The following CEP112 variants were observed in gnomAD, a reference collection of about 807,000 sequenced individuals.
CEP112 encodes the protein centrosomal protein 112.
Under a neutral mutation model 153.0 loss-of-function variants are expected in CEP112, and 127 were observed. The observed-to-expected ratio is 0.83, with a 90% CI of 0.72 to 0.96. The LOEUF is 0.96. Ranked by LOEUF, CEP112 falls within the 40% of genes least tolerant of loss-of-function variation. The pLI is 0.00. For missense variants in CEP112, 1,089 were observed against 1,101.2 expected, an observed-to-expected ratio of 0.99 and a Z score of 0.16; for synonymous variants, 358 against 374.4, an observed-to-expected ratio of 0.96 and a Z score of 0.51.
intron 11 of CEP112, among the ~76,000 whole-genome samples, chr17:66,054,930 A>C (rs558851029): frequency 5.3e-5 from 8 of 151,986 alleles, no homozygotes; most frequent in African/African-American, 1.9e-4. Context: ...CTAATTTTTT[A>C]TATTTTTAGT....
At chr17:66,022,535 G>A (rs548250685) in intron 16 of CEP112, among the ~76,000 whole-genome samples, 6 of 151,730 alleles carry the variant, frequency 4.0e-5, no homozygotes, top group East Asian at 3.9e-4. Context: ...GGTGAAACCC[G>A]TCTCTACTAA....
intron 21 of CEP112, among the ~76,000 whole-genome samples, chr17:65,835,193 TAAAA>T (rs35890393): frequency 7.6e-6 from 1 of 130,858 alleles, no homozygotes; most frequent in Non-Finnish European, 1.6e-5. Context: ...AAAATAAAAG[TAAAA>T]AAAAAAAAAA....
At chr17:65,955,131 A>T (rs896898295) in intron 18 of CEP112, among the ~76,000 whole-genome samples, 1 of 152,208 alleles carries the variant, frequency 6.6e-6, no homozygotes, top group Non-Finnish European at 1.5e-5. Flanking sequence ...CAGGTAGCCT[A>T]GAAAGGTAAA....
intron 18 of CEP112, among the ~76,000 whole-genome samples, chr17:65,946,765 G>A (rs1303568308): frequency 2.0e-5 from 3 of 151,900 alleles, no homozygotes; most frequent in African/African-American, 7.3e-5. Context: ...TAATTATGGT[G>A]ATTCTATAGA....
At chr17:66,074,995 G>A (rs1414516085) in intron 8 of CEP112, among the ~76,000 whole-genome samples, 1 of 151,560 alleles carries the variant, frequency 6.6e-6, no homozygotes, top group Non-Finnish European at 1.5e-5. Flanking sequence ...TAACATCTTA[G>A]AAGTGCTAAA....
rs546184132 is a variant in CEP112, at chr17:65,807,978, C to A, written c.2394+43826G>T. ...GAATGCTAGTTCCACTGACAACTTT[C>A]ACCTTGCATCTGAAAAAGCTGCAGC... On this transcript the variant is annotated intron_variant, in intron 21 of 26. Transcript: ENST00000535342. Among the ~76,000 whole-genome samples the A allele has an allele frequency of 2.0e-5, 3 of 152,368 alleles. No individual in the cohort carries two copies. The East Asian group carries it at 5.8e-4, about 29-fold the overall frequency.
intron 20 of CEP112, among the ~76,000 whole-genome samples, chr17:65,867,543 A>G (rs35337556): frequency 0.4 from 61,074 of 152,046 alleles, 12,845 homozygotes; most frequent in East Asian, 0.78. Flanking sequence ...GTAAAGTCAC[A>G]TAAATGTATA....
chr17:66,073,214 T>G (rs1403251872), intron 8 of CEP112, among the ~76,000 whole-genome samples: 1 of 152,144 alleles, frequency 6.6e-6, no homozygotes. Flanking sequence ...ATATATGAGA[T>G]AACCATTCTC....
chr17:66,132,116 C>T (rs1056082887), intron 5 of CEP112, among the ~76,000 whole-genome samples: 1 of 125,730 alleles, frequency 8.0e-6, no homozygotes, highest in Non-Finnish European at 1.6e-5. Context: ...TTGCAGTGAG[C>T]CAAGATTGCA....
At chr17:65,864,829 G>A (rs928147656) in intron 20 of CEP112, among the ~76,000 whole-genome samples, 11 of 150,182 alleles carry the variant, frequency 7.3e-5, no homozygotes, top group African/African-American at 2.8e-4. Flanking sequence ...TTTCTCTACT[G>A]GTCACATCAT....
intron 20 of CEP112, among the ~76,000 whole-genome samples, chr17:65,866,901 C>A (rs1466675337): frequency 6.6e-6 from 1 of 152,144 alleles, no homozygotes; most frequent in East Asian, 1.9e-4. Flanking sequence ...GTCTGCATAC[C>A]TCATTCTTCC....
At chr17:65,683,497 A>G (rs1598302906) in intron 24 of CEP112, among the ~76,000 whole-genome samples, 5 of 152,200 alleles carry the variant, frequency 3.3e-5, no homozygotes, top group Non-Finnish European at 7.3e-5. Context: ...GGAGCCTTCA[A>G]GAGAAGGCTG....
At chr17:65,950,720 GTA>G (rs2061800806) in intron 18 of CEP112, among the ~76,000 whole-genome samples, 2 of 134,462 alleles carry the variant, frequency 1.5e-5, no homozygotes, top group African/African-American at 2.6e-5. Context: ...AGTAGTAGTA[GTA>G]GTAGTAGTAG....
intron 17 of CEP112, among the ~76,000 whole-genome samples, chr17:65,990,217 T>C (rs1405552817): frequency 1.3e-5 from 2 of 152,154 alleles, no homozygotes; most frequent in Admixed American, 6.5e-5. Context: ...TAAAAAGGCA[T>C]AGAGTGTAGG....
intron 21 of CEP112, among the ~76,000 whole-genome samples, chr17:65,825,449 T>G (rs2056792330): frequency 6.6e-6 from 1 of 152,068 alleles, no homozygotes. Flanking sequence ...CACAGACAGG[T>G]ACGGGTCTGC....
At chr17:65,948,724 T>C (rs1320028441) in intron 18 of CEP112, among the ~76,000 whole-genome samples, 2 of 152,114 alleles carry the variant, frequency 1.3e-5, no homozygotes, top group Admixed American at 1.3e-4. Flanking sequence ...ATTTAAGCAA[T>C]ATTAAATGAG....
chr17:66,066,242 T>C, intron 10 of CEP112, among the ~76,000 whole-genome samples: 1 of 152,208 alleles, frequency 6.6e-6, no homozygotes, highest in East Asian at 1.9e-4. Context: ...AACTTAATAC[T>C]TGATTACATG....
intron 23 of CEP112, among the ~76,000 whole-genome samples, chr17:65,702,764 G>A (rs373600559): frequency 2.4e-4 from 37 of 152,156 alleles, no homozygotes; most frequent in South Asian, 1.4e-3. Flanking sequence ...TAATCATGGC[G>A]GAAGGTGAAT....
intron 23 of CEP112, among the ~76,000 whole-genome samples, chr17:65,694,404 T>G (rs942194371): frequency 1.4e-4 from 21 of 152,196 alleles, no homozygotes; most frequent in African/African-American, 5.1e-4. Flanking sequence ...GTGAACAGAC[T>G]ACGAAGTCAA....
Sources: gnomAD v4.1 joint callset for allele counts (sites outside exome capture counted in the v4.1 genomes callset) on GRCh38, gnomAD v4.1.1 for gene constraint, MANE v1.5 for transcripts, NCBI Gene and HGNC (gene_info 2026-07-23, HGNC 2026-07-21) for gene names.